The following DSCAM variants were observed in gnomAD, a reference collection of about 807,000 sequenced individuals.
DSCAM encodes the protein DS cell adhesion molecule.
In DSCAM, 47 loss-of-function variants were observed where a neutral mutation model predicts 217.7. That is an observed-to-expected ratio of 0.22 (90% confidence interval 0.17 to 0.28). DSCAM has a LOEUF of 0.28. Among genes scored for constraint, DSCAM ranks in the 10% least tolerant of loss-of-function variants. The probability of loss-of-function intolerance (pLI) is 1.00; values close to 1 mark genes in which losing one functional copy is unlikely to be tolerated. For missense variants in DSCAM, 2,080 were observed against 2,618.3 expected (o/e 0.79, Z 4.49); for synonymous variants, 1,056 against 1,015.3 (o/e 1.04, Z -0.76).
intron 10 of DSCAM, among the ~76,000 whole-genome samples, chr21:40,295,087 A>G (rs371254755): frequency 6.6e-6 from 1 of 152,208 alleles, no homozygotes; most frequent in African/African-American, 2.4e-5. Context: ...ATGCTATTTT[A>G]AAAAAGAAAG....
chr21:40,383,785 A>G (rs1444562284), intron 3 of DSCAM: 1 of 152,182 alleles, frequency 6.6e-6, no homozygotes, highest in East Asian at 1.9e-4. Flanking sequence ...TCCATTTAAA[A>G]GTAGTAATGC....
intron 3 of DSCAM, among the ~76,000 whole-genome samples, chr21:40,497,222 TAGACAAA>T (rs2076125951): frequency 6.6e-6 from 1 of 152,116 alleles, no homozygotes; most frequent in African/African-American, 2.4e-5. Context: ...TTATTCACAA[TAGACAAA>T]AATTAGAATC....
intron 11 of DSCAM, among the ~76,000 whole-genome samples, chr21:40,265,580 C>T (rs1227365261): frequency 1.3e-5 from 2 of 151,984 alleles, no homozygotes; most frequent in Non-Finnish European, 2.9e-5. Flanking sequence ...TCACATTACC[C>T]AACTTCAAAT....
In DSCAM at chr21:40,296,831, C is replaced by CAAAAA. The variant is rs58219836; in HGVS notation, c.2063-662_2063-658dup. Among the ~76,000 whole-genome samples the CAAAAA allele has an allele frequency of 2.0e-3, 108 of 53,776 alleles. 2 individuals carry two copies. The highest frequency in any genetic ancestry group is 4.5e-3 in the African/African-American group (78 of 17,302). The allele number at this position is 53,776 out of a possible 152,430, so 35.3% of individuals were successfully genotyped here. On this transcript the variant is annotated intron_variant, in intron 9 of 32. Coordinates refer to ENST00000400454, the MANE Select transcript of DSCAM (RefSeq NM_001389.5). ...GGGCAACAAGAGTCAAACTCCATCT[C>CAAAAA]AAAAAAAAAAAAAAAAAAAAAAAAG...
intron 1 of DSCAM, among the ~76,000 whole-genome samples, chr21:40,759,962 T>C (rs531265566): frequency 0.018 from 24 of 1,324 alleles, no homozygotes; most frequent in African/African-American, 0.13. Context: ...CGTTTACATT[T>C]ATTTATTTAT....
chr21:40,452,360 C>G (rs1017459214), intron 3 of DSCAM, among the ~76,000 whole-genome samples: 4 of 151,602 alleles, frequency 2.6e-5, no homozygotes, highest in African/African-American at 9.7e-5. Context: ...GATTTCTGAA[C>G]AATTACACCT....
intron 4 of DSCAM, among the ~76,000 whole-genome samples, chr21:40,356,702 GA>G (rs2074697171): frequency 6.6e-6 from 1 of 152,182 alleles, no homozygotes; most frequent in Admixed American, 6.5e-5. Context: ...TAATGGATCA[GA>G]AAGATAAAAG....
chr21:40,053,606 T>A (rs778609068), intron 29 of DSCAM, among the ~76,000 whole-genome samples: 1 of 152,230 alleles, frequency 6.6e-6, no homozygotes, highest in Non-Finnish European at 1.5e-5. Flanking sequence ...TATTGGATTC[T>A]TGTGGTCAGA....
At chr21:40,339,048 G>T in intron 7 of DSCAM, 71 bp downstream of exon 7, 1 of 1,561,224 alleles carries the variant, frequency 6.4e-7, no homozygotes, top group East Asian at 2.2e-5. Context: ...CCAGCTCGGT[G>T]CATGCAGAAA....
chr21:40,415,762 G>C (rs2410238), intron 3 of DSCAM, among the ~76,000 whole-genome samples: 3 of 151,940 alleles, frequency 2.0e-5, no homozygotes, highest in Admixed American at 6.6e-5. Flanking sequence ...GACCCTCTTC[G>C]AGGGTCTTCT....
At chr21:40,548,419 C>T (rs1198909744) in intron 3 of DSCAM, among the ~76,000 whole-genome samples, 4 of 152,006 alleles carry the variant, frequency 2.6e-5, no homozygotes, top group East Asian at 3.9e-4. Flanking sequence ...TCCTGCTCTG[C>T]TGCAAGACAG....
rs567294135 is a variant in DSCAM, at chr21:40,324,731, C to G, written c.1784-12372G>C. ...GGTTGAGAGCAATAATACCTTCATA[C>G]AGAAGACTGTAATAAAACTGAGTTA... On this transcript the variant is annotated intron_variant, in intron 8 of 32. Transcript: ENST00000400454. Among the ~76,000 whole-genome samples the G allele has an allele frequency of 1.5e-3, 230 of 152,200 alleles. 1 individual carries two copies. The highest frequency in any genetic ancestry group is 5.3e-3 in the African/African-American group (220 of 41,526).
chr21:40,740,774 C>G (rs2091116072), intron 1 of DSCAM, among the ~76,000 whole-genome samples: 1 of 152,240 alleles, frequency 6.6e-6, no homozygotes, highest in Middle Eastern at 3.4e-3. Context: ...GAAGTGACTA[C>G]TTTGAAATGC....
At chr21:40,687,247 G>T (rs929029262) in intron 3 of DSCAM, among the ~76,000 whole-genome samples, 1 of 152,076 alleles carries the variant, frequency 6.6e-6, no homozygotes, top group Non-Finnish European at 1.5e-5. Flanking sequence ...CTTTAATTCT[G>T]CAACTCTCTG....
chr21:40,052,190 T>C, intron 29 of DSCAM, 83 bp from the exon 30 acceptor site: 1 of 1,465,532 alleles, frequency 6.8e-7, no homozygotes, highest in Non-Finnish European at 9.2e-7. Flanking sequence ...CCTGAGGCAC[T>C]TGTGTTATTG....
chr21:40,048,702 T>A (rs1482084519), intron 30 of DSCAM, among the ~76,000 whole-genome samples: 1 of 152,174 alleles, frequency 6.6e-6, no homozygotes, highest in Non-Finnish European at 1.5e-5. Flanking sequence ...GTTCTCTAGC[T>A]GAGAAAATAG....
chr21:40,159,093 C>G (rs1306770115), intron 16 of DSCAM, among the ~76,000 whole-genome samples: 1 of 152,178 alleles, frequency 6.6e-6, no homozygotes, highest in Non-Finnish European at 1.5e-5. Flanking sequence ...GGGGTTCTTC[C>G]TGTGATGGAC....
chr21:40,674,626 C>CTTTTTTTT (rs869239926), intron 3 of DSCAM, among the ~76,000 whole-genome samples: 13 of 105,898 alleles, frequency 1.2e-4, no homozygotes, highest in African/African-American at 1.5e-4. Context: ...TTTTCTTTTT[C>CTTTTTTTT]TTTTTCTTTT....
At chr21:40,542,871 C>T (rs192402565) in intron 3 of DSCAM, among the ~76,000 whole-genome samples, 4 of 152,054 alleles carry the variant, frequency 2.6e-5, no homozygotes, top group African/African-American at 9.7e-5. Flanking sequence ...CTTCCTAGTC[C>T]AGCATCATGT....
Sources: gnomAD v4.1 joint callset for allele counts (sites outside exome capture counted in the v4.1 genomes callset) on GRCh38, gnomAD v4.1.1 for gene constraint, MANE v1.5 for transcripts, NCBI Gene and HGNC (gene_info 2026-07-23, HGNC 2026-07-21) for gene names.